Variants in UNG observed in about 807,000 individuals in gnomAD.
UNG encodes uracil-DNA glycosylase.
A neutral mutation model predicts 36.5 loss-of-function variants in UNG; 34 were observed. The ratio of observed to expected loss-of-function variants is 0.93; its 90% CI spans 0.71 to 1.24. The LOEUF is 1.24. Among genes scored for constraint, UNG ranks in the 50% most tolerant of loss-of-function variants. The pLI is 0.00. For synonymous variants in UNG, 172 were observed against 157.8 expected, an observed-to-expected ratio of 1.09 and a Z score of -0.67; for missense variants, 391 against 397.6, an observed-to-expected ratio of 0.98 and a Z score of 0.14.
intron 2 of UNG, 87 bp from the exon 3 acceptor site, chr12:109,099,102 A>G: frequency 1.6e-6 from 2 of 1,281,650 alleles, no homozygotes; most frequent in Non-Finnish European, 2.3e-6. Context: ...ATGATGTTCC[A>G]AATAACTTGC....
chr12:109,097,610 C>CA lies in UNG; in HGVS notation c.-69dup. On this transcript the variant is annotated 5_prime_UTR_variant, in exon 1 of 7. Coordinates refer to ENST00000242576, the MANE Select transcript of UNG (RefSeq NM_080911.3). ...CCGCTTGGCGCCAATTGCTGACCGC[C>CA]ACAGCCACAGCCAGGGCTAGCCTCG... 1 of 1,566,390 alleles carries CA rather than the reference C, an allele frequency of 6.4e-7. No individual in the cohort carries two copies. Among genetic ancestry groups the CA allele is most frequent in the South Asian group, 1.2e-5 (1 of 85,612 alleles).
chr12:109,098,083 A>AG (rs2042145333), intron 1 of UNG: 4 of 1,349,988 alleles, frequency 3.0e-6, no homozygotes, highest in Middle Eastern at 2.8e-4. Context: ...CAGAGGGGAG[A>AG]GGGGGCGGGA....
In UNG at chr12:109,098,418, G is replaced by A. The variant is rs1434074789; in HGVS notation, c.133-14G>A. ...CTGCAGCTCTTGAGCCGCCTCTGCG[G>A]GGACCACTTGCAGGCCATCCCAGCC... On this transcript the variant is annotated splice_polypyrimidine_tract_variant and intron_variant, in intron 1 of 6. Transcript: ENST00000242576. 1 of 1,605,688 alleles carries A rather than the reference G, an allele frequency of 6.2e-7. No individual in the cohort carries two copies. The highest frequency in any genetic ancestry group is 1.1e-5 in the South Asian group (1 of 90,444).
chr12:109,110,216 T>C lies in UNG; in HGVS notation c.*247T>C, dbSNP rs1817826115. ...CGGCCTAAAATATGCAGAAGACAGA[T>C]GAGGTCAAATACTCAGTTGGCTCTC... On this transcript the variant is annotated 3_prime_UTR_variant, in exon 7 of 7. Coordinates refer to ENST00000242576, the MANE Select transcript of UNG (RefSeq NM_080911.3). The C allele has an allele frequency of 1.8e-6, 1 of 546,380 alleles. No homozygotes were observed. The highest frequency in any genetic ancestry group is 1.9e-5 in the African/African-American group (1 of 52,798). 33.8% of individuals were successfully genotyped at this position (546,380 alleles called of 1,614,324 possible).
intron 6 of UNG, among the ~76,000 whole-genome samples, chr12:109,109,233 C>T (rs1034338162): frequency 6.6e-6 from 1 of 152,044 alleles, no homozygotes; most frequent in Non-Finnish European, 1.5e-5. Context: ...CAAATACAGT[C>T]TTAGCAGTGG....
At position 109,098,540 on chromosome 12, in the gene UNG, G is replaced by A; in HGVS notation, c.241G>A (p.Ala81Thr). Residue 81 changes from alanine to threonine, a missense_variant, in exon 2 of 7, where the codon GCC (alanine) becomes ACC (threonine). Ala to Thr is a moderately conservative substitution (Grantham distance 58, BLOSUM62 0). Coordinates refer to ENST00000242576, the MANE Select transcript of UNG (RefSeq NM_080911.3). ...CCGGATCCAGAGGAACAAGGCCGCG[G>A]CCCTGCTCAGACTCGCGGCCCGCAA... is the stretch of plus-strand genomic sequence containing the variant. ...LDRIQRNKAA[A>T]LLRLAARNVP... 6.2e-7 allele frequency: 1 copy of A among 1,613,180 alleles called. No homozygotes were observed. The highest frequency in any genetic ancestry group is 1.7e-4 in the Middle Eastern group (1 of 6,058).
At chr12:109,109,484 A>C (rs3219271) in intron 6 of UNG, among the ~76,000 whole-genome samples, 1 of 145,878 alleles carries the variant, frequency 6.9e-6, no homozygotes, top group Non-Finnish European at 1.5e-5. Flanking sequence ...CTTTTTGGGG[A>C]AAAAAAAAAA....
intron 5 of UNG, among the ~76,000 whole-genome samples, chr12:109,103,154 C>T (rs927980034): frequency 3.3e-5 from 5 of 152,018 alleles, no homozygotes; most frequent in Admixed American, 6.6e-5. Flanking sequence ...CAGGGTTTCA[C>T]CATGTTGGCC....
rs1423528387 is a variant in UNG at position 109,109,706 on chromosome 12, C to T, written c.802-123C>T. On this transcript the variant is annotated intron_variant, in intron 6 of 6. Transcript: ENST00000242576. ...GCTGAGGCAGGAGAATCGCTTGAAC[C>T]CGGGAGGCGGAGGTTGCAGTGAGTC... 3.2e-6 allele frequency: 4 copies of T among 1,237,806 alleles called. No homozygotes were observed. The East Asian group carries it at 7.6e-5, about 24-fold the overall frequency. 76.7% of individuals were successfully genotyped at this position (1,237,806 alleles called of 1,614,324 possible). A position where few individuals can be genotyped will look rare whatever the true frequency, so the allele number is the denominator to read the frequency against.
At chr12:109,106,726 C>G (rs1278554492) in intron 6 of UNG, among the ~76,000 whole-genome samples, 1 of 149,952 alleles carries the variant, frequency 6.7e-6, no homozygotes. Flanking sequence ...TAGTGAAACC[C>G]TGTCTCTACT....
intron 6 of UNG, 91 bp downstream of exon 6, chr12:109,103,702 C>T: frequency 7.3e-7 from 1 of 1,363,456 alleles, no homozygotes; most frequent in Admixed American, 2.2e-5. Flanking sequence ...GTGTTTGGTC[C>T]TGGAAAATCC....
rs969590605 is a variant in UNG at position 109,110,877 on chromosome 12, G to A, written c.*908G>A. On this transcript the variant is annotated 3_prime_UTR_variant, in exon 7 of 7. Transcript: ENST00000242576. ...TTTCCCAGTCCTTTTTTTAAGAGAC[G>A]GTCTTTATTGGGTCTGCACCTCCAT... is the stretch of plus-strand genomic sequence containing the variant. 2.6e-5 allele frequency: 4 copies of A among 151,836 alleles called. No individual in the cohort carries two copies. Among genetic ancestry groups the A allele is most frequent in the African/African-American group, 9.7e-5 (4 of 41,300 alleles). The allele number at this position is 151,836 out of a possible 1,614,324, so 9.4% of individuals were successfully genotyped here.
chr12:109,099,285 G>A lies in UNG; in HGVS notation c.435+1G>A, dbSNP rs1331247644. 5 of 1,612,316 alleles carry A rather than the reference G, an allele frequency of 3.1e-6. No homozygotes were observed. The highest frequency in any genetic ancestry group is 4.2e-6 in the Non-Finnish European group (5 of 1,178,502). ...GACCCAGATGTGTGACATAAAAGATGTAAGTACAACTTGTTGATAATTTTT... is the reference window on the plus strand; with the variant it reads ...GACCCAGATGTGTGACATAAAAGATATAAGTACAACTTGTTGATAATTTTT... On this transcript the variant is annotated splice_donor_variant, in intron 3 of 6. Transcript: ENST00000242576. LOFTEE classifies it high-confidence loss of function.
At chr12:109,099,475 C>A (rs2042160615) in intron 3 of UNG, 191 bp downstream of exon 3, 1 of 598,492 alleles carries the variant, frequency 1.7e-6, no homozygotes, top group Non-Finnish European at 3.0e-6. Context: ...ATTTATGTGG[C>A]AAAAAGGAAA....
Position 109,110,144 on chromosome 12 carries a change from A to G in UNG, c.*175A>G. ...ATGGCAGCTGTATCCAACCACAAAC[A>G]ACAAAGGCTACCCTTTGACCAAATG... On this transcript the variant is annotated 3_prime_UTR_variant, in exon 7 of 7. Transcript: ENST00000242576. 1.3e-6 allele frequency: 1 copy of G among 780,942 alleles called. No individual in the cohort carries two copies. Among genetic ancestry groups the G allele is most frequent in the Non-Finnish European group, 2.1e-6 (1 of 485,126 alleles). The allele number at this position is 780,942 out of a possible 1,614,324, so 48.4% of individuals were successfully genotyped here. A position where few individuals can be genotyped will look rare whatever the true frequency, so the allele number is the denominator to read the frequency against.
At chr12:109,098,763 TACTCACAA>T in intron 2 of UNG, 125 bp downstream of exon 2, 3 of 1,280,214 alleles carry the variant, frequency 2.3e-6, no homozygotes, top group Non-Finnish European at 3.3e-6. Context: ...CAACCTCCTT[TACTCACAA>T]AGGGGGTAAA....
rs2042183080 is a variant in UNG, at chr12:109,102,146, G to A, written c.533+147G>A. 4.0e-6 allele frequency: 3 copies of A among 756,072 alleles called. No homozygotes were observed. In the African/African-American group the frequency reaches 5.2e-5, roughly 13 times the overall value. The allele number at this position is 756,072 out of a possible 1,614,324, so 46.8% of individuals were successfully genotyped here. Reference sequence around the variant, plus strand: ...CTCAGCACCATTGACATTTGGGGCTGAGTCATTCTTTGTTGTGGAGGAGGA... The same window carrying A: ...CTCAGCACCATTGACATTTGGGGCTAAGTCATTCTTTGTTGTGGAGGAGGA... On this transcript the variant is annotated intron_variant, in intron 4 of 6. Coordinates refer to ENST00000242576, the MANE Select transcript of UNG (RefSeq NM_080911.3).
At position 109,109,943 on chromosome 12, in the gene UNG, A is replaced by G; in HGVS notation, c.916A>G (p.Lys306Glu). ...TGAGCTGCTGCAGAAGTCTGGCAAG[A>G]AGCCCATTGACTGGAAGGAGCTGTG... is the stretch of plus-strand genomic sequence containing the variant. ...TNELLQKSGK[K>E]PIDWKEL The change falls in exon 7 of 7, where the codon AAG becomes GAG. Residue 306 changes from lysine (K) to glutamate (E), a missense_variant. Physicochemically the swap from Lys to Glu is moderately conservative, Grantham distance 56. Coordinates refer to ENST00000242576, the MANE Select transcript of UNG (RefSeq NM_080911.3). 1 of 1,614,182 alleles carries G rather than the reference A, an allele frequency of 6.2e-7. No homozygotes were observed. The highest frequency in any genetic ancestry group is 8.5e-7 in the Non-Finnish European group (1 of 1,180,032).
chr12:109,099,070 G>A, intron 2 of UNG, 119 bp from the exon 3 acceptor site: 1 of 1,006,160 alleles, frequency 9.9e-7, no homozygotes, highest in African/African-American at 1.6e-5. Flanking sequence ...AAAGAATTTG[G>A]ACATAACATG....
Sources: gnomAD v4.1 joint callset for allele counts (sites outside exome capture counted in the v4.1 genomes callset) on GRCh38, gnomAD v4.1.1 for gene constraint, MANE v1.5 for transcripts, NCBI Gene and HGNC (gene_info 2026-07-23, HGNC 2026-07-21) for gene names.